Variants in ANAPC4 observed in about 807,000 individuals in gnomAD.
ANAPC4 encodes the protein anaphase-promoting complex subunit 4.
A neutral mutation model predicts 119.8 loss-of-function variants in ANAPC4; 63 were observed. That is an observed-to-expected ratio of 0.53 (90% CI 0.43 to 0.65). The LOEUF (loss-of-function observed/expected upper bound fraction) is 0.65, where lower values mean the gene tolerates loss of function less well. Among genes scored for constraint, ANAPC4 ranks in the 30% least tolerant of loss-of-function variants. The probability of loss-of-function intolerance (pLI) is 0.00; values close to 1 mark genes in which losing one functional copy is unlikely to be tolerated. For missense variants in ANAPC4, 716 were observed against 945.1 expected (o/e 0.76, Z 3.18); for synonymous variants, 283 against 318.6 (o/e 0.89, Z 1.19).
At chr4:25,406,935 A>G in intron 19 of ANAPC4, 50 bp downstream of exon 19, 1 of 1,365,416 alleles carries the variant, frequency 7.3e-7, no homozygotes, top group Admixed American at 2.2e-5. Flanking sequence ...ATTACAGTAA[A>G]CCTGGATAAT....
intron 20 of ANAPC4, among the ~76,000 whole-genome samples, chr4:25,409,287 A>G (rs369556853): frequency 1.8e-4 from 27 of 152,372 alleles, no homozygotes; most frequent in African/African-American, 5.8e-4. Context: ...TATGCTCATG[A>G]AAAAGAAACA....
intron 4 of ANAPC4, among the ~76,000 whole-genome samples, chr4:25,385,344 A>G (rs1721974308): frequency 6.6e-6 from 1 of 152,238 alleles, no homozygotes; most frequent in East Asian, 1.9e-4. Context: ...CCTCGATGGC[A>G]TCTTCCAATA....
At chr4:25,394,397 T>A in intron 12 of ANAPC4, 23 bp downstream of exon 12, 1 of 1,553,978 alleles carries the variant, frequency 6.4e-7, no homozygotes, top group Non-Finnish European at 8.6e-7. Context: ...GATTAGGTGC[T>A]CCTGTTTTTG....
intron 11 of ANAPC4, 85 bp downstream of exon 11, chr4:25,393,976 T>C (rs1471664502): frequency 8.1e-6 from 9 of 1,114,134 alleles, no homozygotes; most frequent in Non-Finnish European, 1.1e-5. Flanking sequence ...AAAAATCAGT[T>C]TGATTCATAA....
At chr4:25,417,582 TTTCATTCCTGAG>T (rs1560451454) in intron 27 of ANAPC4, 22 bp from the exon 28 acceptor site, 1 of 1,544,030 alleles carries the variant, frequency 6.5e-7, no homozygotes, top group African/African-American at 1.4e-5. Context: ...AAGATCCCCT[TTTCATTCCTGAG>T]TTGGTTTTTT....
chr4:25,377,541 C>T lies in ANAPC4; in HGVS notation c.114C>T (p.Ala38=), dbSNP rs1181903079. Residue 38 remains alanine, a synonymous_variant, in exon 2 of 29, where the codon GCC becomes GCT. Transcript: ENST00000315368. ...WSPKRDLIAL[A]NTAGEVLLHR... is the part of the protein sequence containing the mutation. ...CCAAGCGGGATCTCATTGCTTTGGC[C>T]AACACAGCTGGCGAGGTGAGTGAGC... is the stretch of plus-strand genomic sequence containing the variant. 3 of 1,612,368 alleles carry T rather than the reference C, an allele frequency of 1.9e-6. No homozygotes were observed. The highest frequency in any genetic ancestry group is 2.2e-5 in the East Asian group (1 of 44,826).
At chr4:25,417,793 T>G in intron 28 of ANAPC4, 54 bp downstream of exon 28, 1 of 1,561,296 alleles carries the variant, frequency 6.4e-7, no homozygotes, top group Non-Finnish European at 8.6e-7. Context: ...GTAACGTTGC[T>G]TCTTTGGAAC....
chr4:25,390,498 T>C (rs578023237), intron 8 of ANAPC4, among the ~76,000 whole-genome samples: 94 of 152,340 alleles, frequency 6.2e-4, no homozygotes, highest in African/African-American at 2.2e-3. Context: ...TTTTCTAGTG[T>C]GAGATGTAAA....
At chr4:25,389,048 T>G (rs989323470) in intron 7 of ANAPC4, among the ~76,000 whole-genome samples, 166 bp downstream of exon 7, 1 of 152,204 alleles carries the variant, frequency 6.6e-6, no homozygotes, top group Non-Finnish European at 1.5e-5. Flanking sequence ...TGGAGTGCAG[T>G]GTCGTGATAT....
chr4:25,381,080 A>G (rs1314385596), intron 3 of ANAPC4, among the ~76,000 whole-genome samples: 2 of 152,210 alleles, frequency 1.3e-5, no homozygotes, highest in South Asian at 2.1e-4. Context: ...TGTTGTACAC[A>G]TACAATCAGC....
chr4:25,391,038 G>A (rs370823370), intron 9 of ANAPC4, 23 bp downstream of exon 9: 70 of 1,500,450 alleles, frequency 4.7e-5, no homozygotes, highest in Middle Eastern at 1.9e-4. Context: ...ACTTGATAAC[G>A]GTAGAGAGTA....
intron 10 of ANAPC4, among the ~76,000 whole-genome samples, chr4:25,393,067 A>G (rs769201876): frequency 7.9e-5 from 12 of 152,300 alleles, no homozygotes; most frequent in Admixed American, 2.6e-4. Context: ...TGGACTCTGC[A>G]TCTGACTGGA....
chr4:25,403,574 G>A (rs1723096023), intron 17 of ANAPC4, among the ~76,000 whole-genome samples: 1 of 152,156 alleles, frequency 6.6e-6, no homozygotes, highest in Non-Finnish European at 1.5e-5. Context: ...CTGTCCTTGG[G>A]TAGCTTATCT....
At chr4:25,407,404 A>G in intron 20 of ANAPC4, 151 bp downstream of exon 20, 1 of 562,202 alleles carries the variant, frequency 1.8e-6, no homozygotes, top group South Asian at 4.8e-5. Context: ...TTTTGATCTG[A>G]GAACACTTTT....
intron 25 of ANAPC4, 43 bp from the exon 26 acceptor site, chr4:25,415,423 G>A (rs768902430): frequency 6.8e-7 from 1 of 1,471,768 alleles, no homozygotes; most frequent in Admixed American, 1.7e-5. Context: ...GACTATCCAG[G>A]TTGTTCCACA....
intron 17 of ANAPC4, among the ~76,000 whole-genome samples, chr4:25,404,647 G>C (rs141058977): frequency 1.3e-5 from 2 of 151,994 alleles, no homozygotes; most frequent in Non-Finnish European, 2.9e-5. Flanking sequence ...CTTACCGCTC[G>C]GTCCTTCTCA....
chr4:25,415,144 G>C, intron 25 of ANAPC4: 1 of 225,334 alleles, frequency 4.4e-6, no homozygotes, highest in Non-Finnish European at 8.5e-6. Flanking sequence ...CTTTGAAATT[G>C]AAAGTAGAAG....
intron 26 of ANAPC4, 142 bp downstream of exon 26, chr4:25,415,682 G>A (rs2109147909): frequency 1.6e-6 from 1 of 629,024 alleles, no homozygotes. Context: ...GATTCTTTGT[G>A]TATTTATACA....
chr4:25,395,590 C>A (rs1332467426), intron 14 of ANAPC4, among the ~76,000 whole-genome samples: 1 of 152,122 alleles, frequency 6.6e-6, no homozygotes, highest in Non-Finnish European at 1.5e-5. Context: ...GCTGGGATTA[C>A]AGGCGCAAAC....
Sources: allele counts gnomAD v4.1 joint callset (sites outside exome capture counted in the v4.1 genomes callset), GRCh38; gene constraint gnomAD v4.1.1; transcripts MANE v1.5; gene names NCBI Gene and HGNC (gene_info 2026-07-23, HGNC 2026-07-21).